The following AKNAD1 variants were observed in gnomAD, a reference collection of about 807,000 sequenced individuals.
AKNAD1 encodes protein AKNAD1.
AKNAD1 carries 67 observed loss-of-function variants against 90.8 expected under a neutral mutation model. The ratio of observed to expected loss-of-function variants is 0.74; its 90% CI spans 0.61 to 0.90. The LOEUF (loss-of-function observed/expected upper bound fraction) is 0.90. Ranked by LOEUF, AKNAD1 falls within the 40% of genes least tolerant of loss-of-function variation. AKNAD1 has a pLI of 0.00. For missense variants in AKNAD1, 957 were observed against 975.4 expected, an observed-to-expected ratio of 0.98 and a Z score of 0.25; for synonymous variants, 327 against 341.4, an observed-to-expected ratio of 0.96 and a Z score of 0.46.
chr1:108,850,012 G>A (rs1664805020), intron 2 of AKNAD1, among the ~76,000 whole-genome samples: 1 of 152,170 alleles, frequency 6.6e-6, no homozygotes, highest in Non-Finnish European at 1.5e-5. Context: ...CTTGTCACCA[G>A]CTCTGTTGCT....
intron 5 of AKNAD1, 135 bp from the exon 6 acceptor site, chr1:108,843,402 G>T: frequency 8.7e-7 from 1 of 1,155,778 alleles, no homozygotes; most frequent in Non-Finnish European, 1.2e-6. Flanking sequence ...AGCATAAATT[G>T]TTTTGTCTCA....
chr1:108,855,018 C>A (rs1664989028), intron 1 of AKNAD1, among the ~76,000 whole-genome samples: 1 of 152,142 alleles, frequency 6.6e-6, no homozygotes, highest in Admixed American at 6.6e-5. Context: ...AAAAACAAAA[C>A]CAGTCTCAGT....
chr1:108,847,459 A>T (rs1664734248), intron 5 of AKNAD1, among the ~76,000 whole-genome samples: 1 of 151,482 alleles, frequency 6.6e-6, no homozygotes, highest in Admixed American at 6.6e-5. Flanking sequence ...AAAAAAAAAA[A>T]ACAAAAAAAA....
In AKNAD1 at chr1:108,848,776, A is replaced by G. The variant is rs774758572; in HGVS notation, c.1221T>C (p.Pro407=). The part of the protein sequence containing the change: ...EFSKRIKQDS[P]YHLQDKKLVL... ...CCAGCTTCTTGTCTTGCAAATGGTAAGGAGAGTCCTGTTTTATTCTTTTGG... is the reference window on the plus strand; with the variant it reads ...CCAGCTTCTTGTCTTGCAAATGGTAGGGAGAGTCCTGTTTTATTCTTTTGG... The change falls in exon 5 of 16, where the codon CCT becomes CCC. Residue 407 remains proline, a synonymous_variant. Coordinates refer to ENST00000370001, the MANE Select transcript of AKNAD1 (RefSeq NM_152763.5). 6.2e-7 allele frequency: 1 copy of G among 1,609,636 alleles called. No individual in the cohort carries two copies. Among genetic ancestry groups the G allele is most frequent in the South Asian group, 1.1e-5 (1 of 89,366 alleles).
At chr1:108,825,185 A>T (rs10857966) in intron 11 of AKNAD1, among the ~76,000 whole-genome samples, 87,717 of 151,266 alleles carry the variant, frequency 0.58, 26,468 homozygotes, top group African/African-American at 0.64. Context: ...TTGGCTGACA[A>T]CTTGACCAAA....
Position 108,849,578 on chromosome 1 carries a change from TG to T in AKNAD1, c.994-3del. ...GTGGATATGTACTATGGGCTCCATC[TG>T]CACAATTAAAGGGTAAGAAAACGTT... On this transcript the variant is annotated splice_polypyrimidine_tract_variant and splice_region_variant and intron_variant, in intron 2 of 15. Transcript: ENST00000370001. 1 of 1,595,104 alleles carries T rather than the reference TG, an allele frequency of 6.3e-7. No homozygotes were observed. Among genetic ancestry groups the T allele is most frequent in the Non-Finnish European group, 8.6e-7 (1 of 1,162,744 alleles).
At chr1:108,852,960 G>A (rs1664915169) in intron 1 of AKNAD1, among the ~76,000 whole-genome samples, 193 bp from the exon 2 acceptor site, 1 of 147,228 alleles carries the variant, frequency 6.8e-6, no homozygotes, top group Non-Finnish European at 1.5e-5. Context: ...GCAAGGAATG[G>A]GGGAAAAAAA....
intron 6 of AKNAD1, among the ~76,000 whole-genome samples, chr1:108,839,756 C>A (rs74631214): frequency 0.013 from 1,991 of 152,200 alleles, 36 homozygotes; most frequent in African/African-American, 0.046. Flanking sequence ...TTATGGCTCA[C>A]GCTGGTAATC....
intron 6 of AKNAD1, 150 bp downstream of exon 6, chr1:108,842,984 A>G: frequency 2.1e-6 from 2 of 965,594 alleles, no homozygotes; most frequent in Non-Finnish European, 3.1e-6. Flanking sequence ...TGTCTGTGGT[A>G]TTAGGTGACA....
At chr1:108,833,704 T>C (rs1259400668) in intron 9 of AKNAD1, among the ~76,000 whole-genome samples, 3 of 151,438 alleles carry the variant, frequency 2.0e-5, no homozygotes, top group African/African-American at 7.3e-5. Flanking sequence ...AAAGGGTTTT[T>C]TCATCCATTT....
In AKNAD1 at chr1:108,847,452, A is replaced by AC. The variant is rs201745666; in HGVS notation, c.1245+1299_1245+1300insG. 3.9e-3 allele frequency among the ~76,000 whole-genome samples: 598 copies of AC among 151,726 alleles called. 6 individuals carry two copies. Among genetic ancestry groups the AC allele is most frequent in the African/African-American group, 0.014 (572 of 41,400 alleles). On this transcript the variant is annotated intron_variant, in intron 5 of 15. Transcript: ENST00000370001. ...GACAGAATGAGACCGTGTCTCAAAA[A>AC]AAAAAAAACAAAAAAAAAAACCTTC...
At chr1:108,830,217 T>A (rs1664140584) in intron 10 of AKNAD1, among the ~76,000 whole-genome samples, 1 of 152,166 alleles carries the variant, frequency 6.6e-6, no homozygotes, top group Non-Finnish European at 1.5e-5. Context: ...GCTGTAACCA[T>A]GATTCTTAAC....
chr1:108,830,444 G>A, intron 10 of AKNAD1, 115 bp downstream of exon 10: 2 of 947,164 alleles, frequency 2.1e-6, no homozygotes, highest in Non-Finnish European at 3.2e-6. Context: ...CCTGAGATCT[G>A]TGACTCTATA....
rs931209861 is a variant in AKNAD1 at position 108,831,931 on chromosome 1, G to A, written c.1747-1281C>T. ...TGTGAGTAATTGTGTGAGCCACTGCGCCCGGCCTTACTTGTGACTTTTTAG... is the reference window on the plus strand; with the variant it reads ...TGTGAGTAATTGTGTGAGCCACTGCACCCGGCCTTACTTGTGACTTTTTAG... On this transcript the variant is annotated intron_variant, in intron 9 of 15. Transcript: ENST00000370001. Among the ~76,000 whole-genome samples the A allele has an allele frequency of 4.6e-5, 7 of 151,632 alleles. No individual in the cohort carries two copies. In the East Asian group the frequency reaches 9.8e-4, roughly 21 times the overall value.
chr1:108,840,736 G>A (rs1664529560), intron 6 of AKNAD1, among the ~76,000 whole-genome samples: 1 of 152,200 alleles, frequency 6.6e-6, no homozygotes, highest in African/African-American at 2.4e-5. Flanking sequence ...AGTGGGGAAA[G>A]GCTGCCCTAT....
At position 108,851,830 on chromosome 1, in the gene AKNAD1, GT is replaced by G; in HGVS notation, c.834del (p.Lys278AsnfsTer5). 6.2e-7 allele frequency: 1 copy of G among 1,613,998 alleles called. No individual in the cohort carries two copies. Among genetic ancestry groups the G allele is most frequent in the Non-Finnish European group, 8.5e-7 (1 of 1,179,948 alleles). ...CTGGCTTGTTTAGCTATTGCAAGTG[GT>G]TTATTAATTATCTTATTTTTAGGAA... is the stretch of plus-strand genomic sequence containing the variant. ...VKIPKNKIIN[K>X]PLAIAKQASF... is the part of the protein sequence containing the mutation. On this transcript the variant is annotated frameshift_variant, in exon 2 of 16. Transcript: ENST00000370001. LOFTEE classifies it high-confidence loss of function.
intron 13 of AKNAD1, among the ~76,000 whole-genome samples, chr1:108,820,840 T>C (rs1400614763): frequency 6.6e-6 from 1 of 151,988 alleles, no homozygotes; most frequent in Admixed American, 6.5e-5. Flanking sequence ...GGTGGGAGGA[T>C]TGTTTGAGGC....
chr1:108,858,228 T>A (rs1367461635), upstream of AKNAD1: 1 of 152,490 alleles, frequency 6.6e-6, no homozygotes, highest in Non-Finnish European at 1.5e-5. Context: ...CTGCTTCTTC[T>A]GGGTTCTTTT....
intron 1 of AKNAD1, among the ~76,000 whole-genome samples, chr1:108,854,713 A>C (rs943456065): frequency 3.9e-5 from 6 of 152,238 alleles, no homozygotes; most frequent in African/African-American, 1.4e-4. Flanking sequence ...AAAGTGAGGC[A>C]TGTCTTCATG....
Sources: allele counts gnomAD v4.1 joint callset (sites outside exome capture counted in the v4.1 genomes callset), GRCh38; gene constraint gnomAD v4.1.1; transcripts MANE v1.5; gene names NCBI Gene and HGNC (gene_info 2026-07-23, HGNC 2026-07-21).